Variants in ROBO2 observed in about 807,000 individuals in gnomAD.
ROBO2 encodes roundabout guidance receptor 2, also known as roundabout homolog 2.
Under a neutral mutation model 160.8 loss-of-function variants are expected in ROBO2, and 53 were observed. That is an observed-to-expected ratio of 0.33 (90% CI 0.26 to 0.41). The LOEUF (loss-of-function observed/expected upper bound fraction) is 0.41, where lower values mean the gene tolerates loss of function less well. Ranked by LOEUF, ROBO2 falls within the 10% of genes least tolerant of loss-of-function variation. ROBO2 has a pLI of 1.00. For missense variants in ROBO2, 1,577 were observed against 1,722.4 expected, an observed-to-expected ratio of 0.92 and a Z score of 1.49; for synonymous variants, 664 against 611.7, an observed-to-expected ratio of 1.09 and a Z score of -1.26.
At chr3:76,277,125 C>G (rs572767632) in intron 2 of ROBO2, among the ~76,000 whole-genome samples, 1 of 151,994 alleles carries the variant, frequency 6.6e-6, no homozygotes, top group Non-Finnish European at 1.5e-5. Flanking sequence ...CCATCATAAG[C>G]ATTCCAGTGG....
chr3:77,595,222 T>C, intron 18 of ROBO2, 38 bp downstream of exon 19: 5 of 1,505,368 alleles, frequency 3.3e-6, no homozygotes, highest in Non-Finnish European at 4.6e-6. Context: ...ATTTTTATTT[T>C]TAATCAGGAC....
intron 2 of ROBO2, among the ~76,000 whole-genome samples, chr3:76,686,006 C>T (rs905030763): frequency 4.6e-5 from 7 of 152,068 alleles, no homozygotes; most frequent in African/African-American, 9.7e-5. Flanking sequence ...GCTAGAGCGA[C>T]GGTGAATCAC....
intron 2 of ROBO2, among the ~76,000 whole-genome samples, chr3:76,364,878 A>G (rs2075723322): frequency 6.6e-6 from 1 of 152,088 alleles, no homozygotes; most frequent in African/African-American, 2.4e-5. Flanking sequence ...CCTACGGTGT[A>G]AACTGCCATT....
At chr3:77,443,738 A>T (rs374908940) in intron 2 of ROBO2, among the ~76,000 whole-genome samples, 38 of 152,176 alleles carry the variant, frequency 2.5e-4, no homozygotes, top group Middle Eastern at 3.4e-3. Flanking sequence ...AAATCCTCTA[A>T]CTTCATTTGG....
chr3:76,158,448 T>TA (rs34598279), intron 2 of ROBO2, among the ~76,000 whole-genome samples: 7,526 of 146,262 alleles, frequency 0.051, 378 homozygotes, highest in East Asian at 0.24. Flanking sequence ...ACTATACCCC[T>TA]AAAAAAAAAA....
chr3:76,439,964 T>C (rs72900526), intron 2 of ROBO2, among the ~76,000 whole-genome samples: 2,513 of 152,158 alleles, frequency 0.017, 65 homozygotes, highest in African/African-American at 0.056. Context: ...GCAGGTTCTA[T>C]GGATTGTTTT....
At chr3:76,042,040 AAAC>A (rs1281362947) in intron 2 of ROBO2, among the ~76,000 whole-genome samples, 3 of 151,366 alleles carry the variant, frequency 2.0e-5, no homozygotes, top group Non-Finnish European at 2.9e-5. Context: ...AAAAAAAAAA[AAAC>A]ACCCCAGAAC....
At chr3:76,998,473 A>G (rs1460000456) in intron 2 of ROBO2, among the ~76,000 whole-genome samples, 1 of 152,182 alleles carries the variant, frequency 6.6e-6, no homozygotes, top group African/African-American at 2.4e-5. Flanking sequence ...ATAGAATTTC[A>G]AGAAACTTCC....
intron 2 of ROBO2, among the ~76,000 whole-genome samples, chr3:76,291,957 A>G (rs1055062982): frequency 6.6e-6 from 1 of 151,896 alleles, no homozygotes. Flanking sequence ...TAAGGTATGT[A>G]CTATGTGCAG....
intron 2 of ROBO2, among the ~76,000 whole-genome samples, chr3:76,396,282 C>T (rs1170717777): frequency 6.6e-6 from 1 of 152,082 alleles, no homozygotes; most frequent in African/African-American, 2.4e-5. Flanking sequence ...GCCCCTCATG[C>T]TAAAAACTCT....
chr3:77,538,972 T>G, intron 6 of ROBO2: 1 of 424,720 alleles, frequency 2.4e-6, no homozygotes, highest in Non-Finnish European at 4.7e-6. Flanking sequence ...TGGAGAGCAG[T>G]GGCACAACAA....
chr3:76,112,813 A>G (rs1454803968), intron 2 of ROBO2, among the ~76,000 whole-genome samples: 1 of 151,754 alleles, frequency 6.6e-6, no homozygotes, highest in Non-Finnish European at 1.5e-5. Flanking sequence ...AAATGCTATA[A>G]TTTCATAAAG....
At chr3:75,991,863 C>A (rs1028194538) in intron 2 of ROBO2, among the ~76,000 whole-genome samples, 1 of 152,022 alleles carries the variant, frequency 6.6e-6, no homozygotes, top group South Asian at 2.1e-4. Flanking sequence ...GAACTAGACT[C>A]GTTCAGAAAA....
intron 2 of ROBO2, among the ~76,000 whole-genome samples, chr3:76,427,990 A>G (rs2108990663): frequency 1.3e-5 from 2 of 152,294 alleles, no homozygotes; most frequent in Middle Eastern, 6.8e-3. Context: ...AGATACTATC[A>G]GGGGAATGCG....
At chr3:77,511,319 G>C (rs995368238) in intron 5 of ROBO2, among the ~76,000 whole-genome samples, 1 of 151,930 alleles carries the variant, frequency 6.6e-6, no homozygotes, top group African/African-American at 2.4e-5. Context: ...TTCTGGTTTA[G>C]GGTGAGCAGG....
At chr3:76,133,201 A>G (rs2071295903) in intron 2 of ROBO2, among the ~76,000 whole-genome samples, 1 of 152,124 alleles carries the variant, frequency 6.6e-6, no homozygotes, top group Non-Finnish European at 1.5e-5. Flanking sequence ...TATAAAATTA[A>G]TGTTGGAAAG....
At chr3:76,353,659 A>C (rs2075002806) in intron 2 of ROBO2, among the ~76,000 whole-genome samples, 1 of 151,934 alleles carries the variant, frequency 6.6e-6, no homozygotes, top group Non-Finnish European at 1.5e-5. Context: ...TCAAACATGG[A>C]AATACAAGGC....
At chr3:76,729,308 C>A (rs1394239766) in intron 2 of ROBO2, among the ~76,000 whole-genome samples, 2 of 151,564 alleles carry the variant, frequency 1.3e-5, no homozygotes, top group Admixed American at 1.3e-4. Context: ...GAGCCAAATT[C>A]TAGGATATAG....
chr3:76,317,926 T>C (rs2107843104), intron 2 of ROBO2, among the ~76,000 whole-genome samples: 1 of 152,112 alleles, frequency 6.6e-6, no homozygotes, highest in South Asian at 2.1e-4. Context: ...ATAGAAAATA[T>C]GTCCTGAGTA....
Sources: gnomAD v4.1 joint callset for allele counts (sites outside exome capture counted in the v4.1 genomes callset) on GRCh38, gnomAD v4.1.1 for gene constraint, MANE v1.5 for transcripts, NCBI Gene and HGNC (gene_info 2026-07-23, HGNC 2026-07-21) for gene names.